The following ADGRL2 variants were observed in gnomAD, a reference collection of about 807,000 sequenced individuals.
ADGRL2 encodes adhesion G protein-coupled receptor L2.
A neutral mutation model predicts 157.4 loss-of-function variants in ADGRL2; 44 were observed. The observed-to-expected ratio is 0.28, with a 90% CI of 0.22 to 0.36. The LOEUF (loss-of-function observed/expected upper bound fraction) is 0.36. Among genes scored for constraint, ADGRL2 ranks in the 10% least tolerant of loss-of-function variants. The pLI is 1.00. For missense variants in ADGRL2, 1,510 were observed against 1,768.9 expected, an observed-to-expected ratio of 0.85 and a Z score of 2.63; for synonymous variants, 585 against 624.7, an observed-to-expected ratio of 0.94 and a Z score of 0.95.
chr1:81,815,650 G>T lies in ADGRL2; in HGVS notation c.-101+14582G>T, dbSNP rs76575471. On this transcript the variant is annotated intron_variant, in intron 1 of 23. Coordinates refer to ENST00000686636, the MANE Select transcript of ADGRL2 (RefSeq NM_001366006.2). Reference sequence around the variant, plus strand: ...ATTATGGTGACAGTTTGTACAAATAGGGTGACATAGAATTATAATGAACTT... The same window carrying T: ...ATTATGGTGACAGTTTGTACAAATATGGTGACATAGAATTATAATGAACTT... 8.8e-4 allele frequency among the ~76,000 whole-genome samples: 133 copies of T among 151,782 alleles called. 3 individuals are homozygous for T. The East Asian group carries it at 0.023, about 26-fold the overall frequency.
chr1:81,570,728 C>T (rs2080669598), intron 2 of ADGRL2, among the ~76,000 whole-genome samples: 1 of 151,996 alleles, frequency 6.6e-6, no homozygotes, highest in African/African-American at 2.4e-5. Flanking sequence ...TAGAATAATA[C>T]TTACCTCATA....
At chr1:81,691,218 A>C (rs1460625050) in intron 3 of ADGRL2, among the ~76,000 whole-genome samples, 1 of 152,198 alleles carries the variant, frequency 6.6e-6, no homozygotes, top group Non-Finnish European at 1.5e-5. Context: ...CTTAAAGTGA[A>C]AGAAAGAGAT....
chr1:81,442,538 A>G (rs527236447), intron 1 of ADGRL2, among the ~76,000 whole-genome samples: 2 of 152,312 alleles, frequency 1.3e-5, no homozygotes, highest in South Asian at 4.2e-4. Flanking sequence ...CTGTAAATGT[A>G]CTTAATTAAC....
intron 1 of ADGRL2, among the ~76,000 whole-genome samples, chr1:81,802,982 G>C (rs1211538662): frequency 6.6e-6 from 1 of 152,102 alleles, no homozygotes; most frequent in Non-Finnish European, 1.5e-5. Context: ...TGCAGGGGCC[G>C]GGGACCCGGC....
At chr1:81,764,230 A>C (rs1457366640) in intron 2 of ADGRL2, among the ~76,000 whole-genome samples, 2 of 151,566 alleles carry the variant, frequency 1.3e-5, no homozygotes, top group African/African-American at 4.8e-5. Context: ...GGCAAATATA[A>C]AGAAATTTTA....
At chr1:81,966,637 T>C (rs1442679745) in intron 13 of ADGRL2, 28 bp downstream of exon 13, 10 of 1,594,974 alleles carry the variant, frequency 6.3e-6, no homozygotes, top group Middle Eastern at 1.7e-4. Context: ...AATGAAGTAA[T>C]GGAAGGTTAT....
chr1:81,585,468 T>C (rs929155484), intron 3 of ADGRL2, among the ~76,000 whole-genome samples: 1 of 152,148 alleles, frequency 6.6e-6, no homozygotes, highest in Non-Finnish European at 1.5e-5. Context: ...GTCCCTAATA[T>C]GGAAATTATA....
intron 1 of ADGRL2, among the ~76,000 whole-genome samples, chr1:81,704,393 G>T (rs1431020429): frequency 6.6e-6 from 1 of 152,300 alleles, no homozygotes; most frequent in Non-Finnish European, 1.5e-5. Flanking sequence ...AGTGGACACA[G>T]GGCATCCCCT....
At chr1:81,836,776 A>AATCAAAAT (rs2092306112) in intron 1 of ADGRL2, 109 bp from the exon 2 acceptor site, 2 of 427,968 alleles carry the variant, frequency 4.7e-6, no homozygotes, top group Admixed American at 8.9e-5. Context: ...GTGGACATAG[A>AATCAAAAT]ATCAAAATAT....
At chr1:81,505,198 C>CA (rs2078945590) in intron 2 of ADGRL2, 1 of 445,900 alleles carries the variant, frequency 2.2e-6, no homozygotes, top group Admixed American at 2.7e-5. Flanking sequence ...ACCCCCACTC[C>CA]CACACACACA....
At chr1:81,687,988 G>A (rs2083263336) in intron 3 of ADGRL2, among the ~76,000 whole-genome samples, 1 of 152,164 alleles carries the variant, frequency 6.6e-6, no homozygotes, top group African/African-American at 2.4e-5. Context: ...GGAGGCTGAA[G>A]ATAGGGCCCC....
chr1:81,580,094 G>A lies in ADGRL2; in HGVS notation c.-247-782G>A, dbSNP rs772556638. 3.3e-5 allele frequency among the ~76,000 whole-genome samples: 5 copies of A among 152,280 alleles called. No individual in the cohort carries two copies. In the South Asian group the frequency reaches 8.3e-4, roughly 25 times the overall value. ...ATAGTGAATGCCTCATAAGGGGCTC[G>A]TTTGTGGTTGAAAACTGAATAAAAG... On this transcript the variant is annotated intron_variant, in intron 2 of 24. Transcript: ENST00000370721.
chr1:81,958,766 C>G (rs984574155), intron 11 of ADGRL2, among the ~76,000 whole-genome samples: 9 of 152,126 alleles, frequency 5.9e-5, no homozygotes, highest in Admixed American at 1.3e-4. Context: ...GCCCTTCATG[C>G]TCCTTTGCAG....
At chr1:81,337,505 C>T (rs952548592) in intron 1 of ADGRL2, among the ~76,000 whole-genome samples, 12 of 152,092 alleles carry the variant, frequency 7.9e-5, no homozygotes, top group African/African-American at 2.9e-4. Flanking sequence ...TCATGAAGAC[C>T]GTGAAAGCAT....
At chr1:81,574,042 C>T (rs1183296221) in intron 2 of ADGRL2, among the ~76,000 whole-genome samples, 1 of 152,094 alleles carries the variant, frequency 6.6e-6, no homozygotes, top group Non-Finnish European at 1.5e-5. Context: ...GTAAACATGC[C>T]TTTATTCAGA....
Position 81,566,412 on chromosome 1 carries a change from T to C in ADGRL2, c.-247-14464T>C, listed in dbSNP as rs1191525696. ...TAGTTGAGACCGGAAAATAATAAAGTGATGATTTATACTTGAATAATGTGG... is the reference window on the plus strand; with the variant it reads ...TAGTTGAGACCGGAAAATAATAAAGCGATGATTTATACTTGAATAATGTGG... On this transcript the variant is annotated intron_variant, in intron 2 of 24. Coordinates refer to the ADGRL2 transcript ENST00000370721. Among the ~76,000 whole-genome samples the C allele has an allele frequency of 2.0e-5, 3 of 152,260 alleles. No homozygotes were observed. In the East Asian group the frequency reaches 5.8e-4, roughly 29 times the overall value.
At chr1:81,741,458 T>A (rs1050620283) in intron 1 of ADGRL2, among the ~76,000 whole-genome samples, 2 of 152,022 alleles carry the variant, frequency 1.3e-5, no homozygotes, top group African/African-American at 4.8e-5. Flanking sequence ...TACTAGAACA[T>A]CATAATTGGA....
At chr1:81,381,462 G>C (rs1002658175) in intron 1 of ADGRL2, among the ~76,000 whole-genome samples, 1 of 152,114 alleles carries the variant, frequency 6.6e-6, no homozygotes, top group African/African-American at 2.4e-5. Flanking sequence ...TGTAGTCCCA[G>C]TTACTCAAGG....
At chr1:81,508,623 G>T (rs1249707818) in intron 2 of ADGRL2, among the ~76,000 whole-genome samples, 1 of 152,196 alleles carries the variant, frequency 6.6e-6, no homozygotes, top group Non-Finnish European at 1.5e-5. Flanking sequence ...GGTAGTGACA[G>T]CACTGCATGA....
Sources: gnomAD v4.1 joint callset for allele counts (sites outside exome capture counted in the v4.1 genomes callset) on GRCh38, gnomAD v4.1.1 for gene constraint, MANE v1.5 for transcripts, NCBI Gene and HGNC (gene_info 2026-07-23, HGNC 2026-07-21) for gene names.